Variants in MZT1 observed in about 807,000 individuals in gnomAD.
The protein encoded by MZT1 is mitotic-spindle organizing protein 1.
A neutral mutation model predicts 8.5 loss-of-function variants in MZT1; 8 were observed. The ratio of observed to expected loss-of-function variants is 0.94; its 90% CI spans 0.55 to 1.70. The LOEUF (loss-of-function observed/expected upper bound fraction) is 1.70. Ranked by LOEUF, MZT1 falls within the 40% of genes most tolerant of loss-of-function variation. The pLI is 0.00. For missense variants in MZT1, 93 were observed against 108.6 expected (o/e 0.86, Z 0.64); for synonymous variants, 38 against 42.0 (o/e 0.90, Z 0.37).
intron 1 of MZT1, among the ~76,000 whole-genome samples, chr13:72,726,443 A>G (rs1055107408): frequency 2.6e-5 from 4 of 152,118 alleles, no homozygotes; most frequent in Non-Finnish European, 4.4e-5. Flanking sequence ...AAAAAGAAAA[A>G]AAGAGCCTAC....
At chr13:72,712,119 T>C (rs2138006125) in intron 2 of MZT1, among the ~76,000 whole-genome samples, 2 of 152,278 alleles carry the variant, frequency 1.3e-5, no homozygotes, top group Middle Eastern at 3.4e-3. Context: ...AGAGATTATG[T>C]CAATTACTTC....
At chr13:72,710,668 TTC>T (rs2032480387) in intron 2 of MZT1, among the ~76,000 whole-genome samples, 2 of 152,112 alleles carry the variant, frequency 1.3e-5, no homozygotes, top group South Asian at 4.1e-4. Flanking sequence ...GTTTGTCTGT[TTC>T]TGTGTTTTAT....
intron 2 of MZT1, among the ~76,000 whole-genome samples, chr13:72,714,547 G>A (rs2032516618): frequency 6.6e-6 from 1 of 152,198 alleles, no homozygotes. Flanking sequence ...AGAGATCTAA[G>A]AGGCAGCCCT....
At chr13:72,718,756 G>A (rs1004009740) in intron 2 of MZT1, among the ~76,000 whole-genome samples, 196 bp downstream of exon 2, 6 of 152,102 alleles carry the variant, frequency 3.9e-5, no homozygotes, top group African/African-American at 1.4e-4. Context: ...TGGGATTACA[G>A]GTGTGAGCCA....
chr13:72,719,641 C>A (rs530383892), intron 1 of MZT1, among the ~76,000 whole-genome samples: 189 of 151,696 alleles, frequency 1.2e-3, no homozygotes, highest in African/African-American at 4.3e-3. Context: ...ATACAATAGT[C>A]AAAAAAAGGT....
chr13:72,724,721 T>C lies in MZT1; in HGVS notation c.79+2803A>G, dbSNP rs866964925. Among the ~76,000 whole-genome samples the C allele has an allele frequency of 7.0e-3, 189 of 26,990 alleles. 28 individuals are homozygous for C. Among genetic ancestry groups the C allele is most frequent in the Non-Finnish European group, 0.031 (151 of 4,926 alleles). 17.7% of individuals were successfully genotyped at this position (26,990 alleles called of 152,430 possible). A position where few individuals can be genotyped will look rare whatever the true frequency, so the allele number is the denominator to read the frequency against. ...TACTAAATATATATATATATATACA[T>C]ATATATATATATATATATACACATA... On this transcript the variant is annotated intron_variant, in intron 1 of 2. Coordinates refer to ENST00000377818, the MANE Select transcript of MZT1 (RefSeq NM_001071775.3).
chr13:72,717,174 C>T (rs935996971), intron 2 of MZT1, among the ~76,000 whole-genome samples: 4 of 152,112 alleles, frequency 2.6e-5, no homozygotes, highest in African/African-American at 7.2e-5. Flanking sequence ...GGTCCTTACT[C>T]GATTGCTCAT....
intron 1 of MZT1, among the ~76,000 whole-genome samples, chr13:72,724,748 A>G (rs71451489): frequency 0.41 from 15,132 of 36,880 alleles, 4,734 homozygotes; most frequent in Non-Finnish European, 0.57. Flanking sequence ...ATACACATAT[A>G]TATATGTAAA....
At chr13:72,725,492 G>A (rs1242995872) in intron 1 of MZT1, among the ~76,000 whole-genome samples, 1 of 152,100 alleles carries the variant, frequency 6.6e-6, no homozygotes, top group Non-Finnish European at 1.5e-5. Context: ...CTTAAAGGGA[G>A]GTTCACAAAT....
intron 1 of MZT1, among the ~76,000 whole-genome samples, chr13:72,719,462 A>G (rs916858387): frequency 1.8e-4 from 27 of 152,168 alleles, no homozygotes; most frequent in Non-Finnish European, 3.8e-4. Context: ...TTATGGAAAC[A>G]CTATACTTAA....
intron 1 of MZT1, among the ~76,000 whole-genome samples, chr13:72,721,031 C>A (rs1356452751): frequency 6.6e-6 from 1 of 151,816 alleles, no homozygotes; most frequent in Non-Finnish European, 1.5e-5. Flanking sequence ...TCTGTGTGAT[C>A]GGGGGGGTGT....
chr13:72,714,245 G>A (rs2032514079), intron 2 of MZT1, among the ~76,000 whole-genome samples: 1 of 152,224 alleles, frequency 6.6e-6, no homozygotes, highest in South Asian at 2.1e-4. Context: ...TCTGGTGGAA[G>A]AAATTTCTAA....
chr13:72,713,389 T>C (rs1414258068), intron 2 of MZT1, among the ~76,000 whole-genome samples: 1 of 152,160 alleles, frequency 6.6e-6, no homozygotes, highest in Non-Finnish European at 1.5e-5. Flanking sequence ...GGACTCCCCA[T>C]CTTCCCCACC....
At chr13:72,714,456 T>C (rs577782554) in intron 2 of MZT1, among the ~76,000 whole-genome samples, 2 of 151,950 alleles carry the variant, frequency 1.3e-5, no homozygotes, top group Admixed American at 6.5e-5. Flanking sequence ...AAGCAACCAC[T>C]TGCTAGAGAA....
chr13:72,710,033 TAAAGCTATCAG>T lies in MZT1; in HGVS notation c.*278_*288del. On this transcript the variant is annotated 3_prime_UTR_variant, in exon 3 of 3. Transcript: ENST00000377818. Reference sequence around the variant, plus strand: ...CTGATAGACAGACTGCTTAGAAAATTAAAGCTATCAGAGCTATAAATAAGGAATACATAAAT... The same window carrying T: ...CTGATAGACAGACTGCTTAGAAAATTAGCTATAAATAAGGAATACATAAAT... 2.7e-6 allele frequency: 1 copy of T among 375,304 alleles called. No individual in the cohort carries two copies. 23.2% of individuals were successfully genotyped at this position (375,304 alleles called of 1,614,324 possible).
At chr13:72,714,372 G>A (rs1593796052) in intron 2 of MZT1, among the ~76,000 whole-genome samples, 1 of 152,312 alleles carries the variant, frequency 6.6e-6, no homozygotes, top group East Asian at 1.9e-4. Flanking sequence ...GAGCATAAAA[G>A]TTTAGAAAAT....
At position 72,727,558 on chromosome 13, in the gene MZT1, C is replaced by T; in HGVS notation, c.45G>A (p.Ala15=). Residue 15 remains alanine (A), a synonymous_variant, in exon 1 of 3, where the codon GCG becomes GCA. Coordinates refer to ENST00000377818, the MANE Select transcript of MZT1 (RefSeq NM_001071775.3). ...TCTCCCGCACCGCATTCAGATTCGC[C>T]GCCGCGGCCGCCGCCGCCGCCCCAG... is the stretch of plus-strand genomic sequence containing the variant. ...SGAGAAAAAA[A]ANLNAVRETM... The T allele has an allele frequency of 6.2e-7, 1 of 1,603,238 alleles. No homozygotes were observed. Among genetic ancestry groups the T allele is most frequent in the Non-Finnish European group, 8.5e-7 (1 of 1,173,810 alleles).
chr13:72,719,502 T>C (rs2032573122), intron 1 of MZT1, among the ~76,000 whole-genome samples: 1 of 152,212 alleles, frequency 6.6e-6, no homozygotes, highest in Non-Finnish European at 1.5e-5. Context: ...GTTAGGCTGC[T>C]CTCATGTTTC....
chr13:72,710,836 T>C (rs1360650993), intron 2 of MZT1, among the ~76,000 whole-genome samples: 1 of 152,188 alleles, frequency 6.6e-6, no homozygotes, highest in East Asian at 1.9e-4. Flanking sequence ...AATTCCAAGA[T>C]ACCATATCAT....
Sources: gnomAD v4.1 joint callset for allele counts (sites outside exome capture counted in the v4.1 genomes callset) on GRCh38, gnomAD v4.1.1 for gene constraint, MANE v1.5 for transcripts, NCBI Gene and HGNC (gene_info 2026-07-23, HGNC 2026-07-21) for gene names.